Variants in PDE10A observed in about 807,000 individuals in gnomAD.
PDE10A encodes phosphodiesterase 10A, also known as cAMP and cAMP-inhibited cGMP 3',5'-cyclic phosphodiesterase 10A.
Under a neutral mutation model 97.7 loss-of-function variants are expected in PDE10A, and 39 were observed. That is an observed-to-expected ratio of 0.40 (90% confidence interval 0.31 to 0.52). PDE10A has a LOEUF of 0.52. Ranked by LOEUF, PDE10A falls within the 20% of genes least tolerant of loss-of-function variation. The probability of loss-of-function intolerance (pLI) is 0.56; values close to 1 mark genes in which losing one functional copy is unlikely to be tolerated. For missense variants in PDE10A, 731 were observed against 1,047.8 expected, an observed-to-expected ratio of 0.70 and a Z score of 4.17; for synonymous variants, 371 against 376.8, an observed-to-expected ratio of 0.98 and a Z score of 0.18.
At chr6:165,592,927 G>C (rs960121784) in intron 1 of PDE10A, among the ~76,000 whole-genome samples, 2 of 152,174 alleles carry the variant, frequency 1.3e-5, no homozygotes, top group African/African-American at 4.8e-5. Flanking sequence ...AATACCATTT[G>C]ACCCAGCCAT....
intron 1 of PDE10A, among the ~76,000 whole-genome samples, chr6:165,749,190 T>C (rs75464636): frequency 0.069 from 148 of 2,156 alleles, 21 homozygotes; most frequent in South Asian, 0.15. Context: ...ACTATCACTG[T>C]CATCACCATC....
intron 1 of PDE10A, among the ~76,000 whole-genome samples, chr6:165,795,952 G>A (rs1249550581): frequency 1.3e-5 from 2 of 152,110 alleles, no homozygotes; most frequent in African/African-American, 2.4e-5. Context: ...GTTATAATAT[G>A]CACTATGGTT....
chr6:165,841,219 C>T (rs570723833), intron 1 of PDE10A, among the ~76,000 whole-genome samples: 3 of 152,310 alleles, frequency 2.0e-5, no homozygotes, highest in South Asian at 2.1e-4. Context: ...TGGTGAAAAT[C>T]GATACATTGA....
chr6:165,637,926 G>A (rs1308383013), intron 1 of PDE10A, among the ~76,000 whole-genome samples: 1 of 152,186 alleles, frequency 6.6e-6, no homozygotes, highest in Non-Finnish European at 1.5e-5. Flanking sequence ...CTCTTGAAAT[G>A]AGAAAACGCT....
intron 1 of PDE10A, among the ~76,000 whole-genome samples, chr6:165,900,766 A>G (rs1227187761): frequency 6.6e-6 from 1 of 152,194 alleles, no homozygotes; most frequent in African/African-American, 2.4e-5. Context: ...GCCAAATTCA[A>G]TAATCAATCT....
chr6:165,758,190 G>A (rs998400983), intron 1 of PDE10A, among the ~76,000 whole-genome samples: 8 of 152,200 alleles, frequency 5.3e-5, no homozygotes, highest in Non-Finnish European at 1.0e-4. Flanking sequence ...TACCAGGCTG[G>A]GTGCAGTGGC....
At chr6:165,979,690 G>A (rs1180086199) in intron 1 of PDE10A, among the ~76,000 whole-genome samples, 3 of 152,112 alleles carry the variant, frequency 2.0e-5, no homozygotes, top group African/African-American at 4.8e-5. Flanking sequence ...ACTCCCACAC[G>A]GTGGAAATGT....
rs1468362301 is a variant in PDE10A, at chr6:165,662,462, T to G, written c.350A>C (p.Tyr117Ser). ...GGGCGGGGGGGGCGGCGGCCAGAAG[T>G]AAAAGAAAGATGGAGAGGAGGAGGG... ...RVPSSSPSFF[Y>S]FWPPPPPPPP... is the part of the protein sequence containing the mutation. The change falls in exon 1 of 22, where the codon TAC becomes TCC. Residue 117 changes from tyrosine to serine, a missense_variant. Coordinates refer to ENST00000539869, the MANE Select transcript of PDE10A (RefSeq NM_001385079.1). The G allele has an allele frequency of 7.5e-6, 1 of 133,554 alleles. No individual in the cohort carries two copies. Among genetic ancestry groups the G allele is most frequent in the Admixed American group, 7.3e-5 (1 of 13,620 alleles). The allele number at this position is 133,554 out of a possible 1,614,324, so 8.3% of individuals were successfully genotyped here.
intron 1 of PDE10A, among the ~76,000 whole-genome samples, chr6:165,926,256 T>A (rs1359507106): frequency 6.6e-6 from 1 of 152,174 alleles, no homozygotes; most frequent in Non-Finnish European, 1.5e-5. Context: ...TGTTCACTGA[T>A]AAAGCCAGTT....
Position 165,947,477 on chromosome 6 carries a change from A to G in PDE10A, c.-615+40052T>C, listed in dbSNP as rs530909894. 7.9e-5 allele frequency among the ~76,000 whole-genome samples: 12 copies of G among 152,170 alleles called. No homozygotes were observed. In the East Asian group the frequency reaches 1.9e-3, roughly 24 times the overall value. On this transcript the variant is annotated intron_variant, in intron 1 of 19. Coordinates refer to the PDE10A transcript ENST00000366882. ...TTCTATCATTTATTCTATATTATTGATGGCCTTTTATTCTTTTAAAATAGA... is the reference window on the plus strand; with the variant it reads ...TTCTATCATTTATTCTATATTATTGGTGGCCTTTTATTCTTTTAAAATAGA...
chr6:165,653,740 A>G (rs1789800090), intron 1 of PDE10A, among the ~76,000 whole-genome samples: 1 of 152,192 alleles, frequency 6.6e-6, no homozygotes, highest in South Asian at 2.1e-4. Context: ...TGAGCAGGAA[A>G]CATGCACTAA....
At chr6:165,865,443 C>T (rs577048343) in intron 1 of PDE10A, among the ~76,000 whole-genome samples, 1 of 151,046 alleles carries the variant, frequency 6.6e-6, no homozygotes, top group South Asian at 2.1e-4. Context: ...GTAACAGAGC[C>T]CAAAGAAAAG....
At chr6:165,853,760 A>G (rs1054254750) in intron 1 of PDE10A, among the ~76,000 whole-genome samples, 2 of 152,262 alleles carry the variant, frequency 1.3e-5, no homozygotes, top group Non-Finnish European at 2.9e-5. Context: ...TAACTCTGAT[A>G]GCCCTTCTAT....
intron 1 of PDE10A, among the ~76,000 whole-genome samples, chr6:165,707,479 A>AT (rs1432510242): frequency 1.3e-5 from 2 of 152,184 alleles, no homozygotes; most frequent in Non-Finnish European, 2.9e-5. Context: ...ATTTCACTGA[A>AT]TTTTGGTTAA....
rs1167502272 is a variant in PDE10A at position 165,943,361 on chromosome 6, A to AAAGAAAGG, written c.-615+44167_-615+44168insCCTTTCTT. On this transcript the variant is annotated intron_variant, in intron 1 of 19. Coordinates refer to the PDE10A transcript ENST00000366882. ...AGAAAGAAAAGAGAAAGAAAGAAAG[A>AAAGAAAGG]GAAAGAAAGAAAACGAACGAACTGA... 3.8e-4 allele frequency among the ~76,000 whole-genome samples: 34 copies of AAAGAAAGG among 89,940 alleles called. 5 individuals are homozygous for AAAGAAAGG. The highest frequency in any genetic ancestry group is 3.6e-3 in the South Asian group (10 of 2,806). The allele number at this position is 89,940 out of a possible 152,430, so 59.0% of individuals were successfully genotyped here. A position where few individuals can be genotyped will look rare whatever the true frequency, so the allele number is the denominator to read the frequency against.
At chr6:165,533,187 T>C (rs1782885557) in intron 2 of PDE10A, among the ~76,000 whole-genome samples, 1 of 152,238 alleles carries the variant, frequency 6.6e-6, no homozygotes, top group South Asian at 2.1e-4. Flanking sequence ...GGTGTGTTTA[T>C]CTGACTTCCC....
intron 1 of PDE10A, among the ~76,000 whole-genome samples, chr6:165,589,686 A>C (rs1379129771): frequency 2.0e-5 from 3 of 152,162 alleles, no homozygotes; most frequent in Non-Finnish European, 2.9e-5. Flanking sequence ...TCCTGGAGGA[A>C]GGGAAGAAAG....
rs965099893 is a variant in PDE10A, at chr6:165,543,872, G to A, written c.866-304C>T. 3.8e-5 allele frequency among the ~76,000 whole-genome samples: 4 copies of A among 105,610 alleles called. No individual in the cohort carries two copies. The South Asian group carries it at 7.5e-4, about 20-fold the overall frequency. 69.3% of individuals were successfully genotyped at this position (105,610 alleles called of 152,430 possible). On this transcript the variant is annotated intron_variant, in intron 1 of 21. Coordinates refer to ENST00000539869, the MANE Select transcript of PDE10A (RefSeq NM_001385079.1). Reference sequence around the variant, plus strand: ...AAAAAACACCATTTTTCATATATACGTGTGTGTGTGTGTGTGTGTATGACC... The same window carrying A: ...AAAAAACACCATTTTTCATATATACATGTGTGTGTGTGTGTGTGTATGACC...
At chr6:165,525,203 A>C (rs1022923529) in intron 2 of PDE10A, among the ~76,000 whole-genome samples, 2 of 152,142 alleles carry the variant, frequency 1.3e-5, no homozygotes, top group African/African-American at 4.8e-5. Flanking sequence ...TGAGTTATCT[A>C]ATTTATATAA....
Sources: allele counts gnomAD v4.1 joint callset (sites outside exome capture counted in the v4.1 genomes callset), GRCh38; gene constraint gnomAD v4.1.1; transcripts MANE v1.5; gene names NCBI Gene and HGNC (gene_info 2026-07-23, HGNC 2026-07-21).